The following NOL4 variants were observed in gnomAD, a reference collection of about 807,000 sequenced individuals.
NOL4 encodes nucleolar protein 4, also known as cancer/testis antigen 125.
NOL4 carries 17 observed loss-of-function variants against 75.9 expected under a neutral mutation model. The ratio of observed to expected loss-of-function variants is 0.22; its 90% CI spans 0.15 to 0.34. The LOEUF (loss-of-function observed/expected upper bound fraction) is 0.34. Among genes scored for constraint, NOL4 ranks in the 10% least tolerant of loss-of-function variants. NOL4 has a pLI of 1.00. For missense variants in NOL4, 614 were observed against 793.5 expected (o/e 0.77, Z 2.72); for synonymous variants, 292 against 289.9 (o/e 1.01, Z -0.07).
At chr18:34,094,006 C>A (rs1015814802) in intron 4 of NOL4, among the ~76,000 whole-genome samples, 1 of 152,100 alleles carries the variant, frequency 6.6e-6, no homozygotes, top group Non-Finnish European at 1.5e-5. Context: ...CAAGCCACTG[C>A]ACTCCAGCCT....
intron 6 of NOL4, among the ~76,000 whole-genome samples, chr18:33,999,641 C>T (rs924774331): frequency 9.9e-5 from 15 of 151,894 alleles, no homozygotes; most frequent in African/African-American, 3.6e-4. Context: ...TTCCCCTATG[C>T]CATGCTCATG....
intron 1 of NOL4, among the ~76,000 whole-genome samples, chr18:34,213,101 G>A (rs1307249310): frequency 6.6e-6 from 1 of 152,032 alleles, no homozygotes; most frequent in Non-Finnish European, 1.5e-5. Flanking sequence ...CTAGGATTCT[G>A]ACCACCACAA....
chr18:33,976,744 G>A (rs2145930587), intron 6 of NOL4, among the ~76,000 whole-genome samples: 1 of 152,268 alleles, frequency 6.6e-6, no homozygotes, highest in African/African-American at 2.4e-5. Context: ...TTAAGTTTGA[G>A]TTAGAGGTGA....
intron 10 of NOL4, among the ~76,000 whole-genome samples, chr18:33,863,461 C>A (rs1432733293): frequency 6.6e-6 from 1 of 152,112 alleles, no homozygotes; most frequent in Non-Finnish European, 1.5e-5. Context: ...AGTGGGGATA[C>A]AGGCATTGCA....
At chr18:34,159,092 G>A (rs1465354673) in intron 1 of NOL4, among the ~76,000 whole-genome samples, 1 of 152,194 alleles carries the variant, frequency 6.6e-6, no homozygotes, top group Non-Finnish European at 1.5e-5. Context: ...AGCGGCGGCG[G>A]CTGGAGCAGC....
At chr18:33,868,197 T>A (rs991331743) in intron 10 of NOL4, among the ~76,000 whole-genome samples, 2 of 149,776 alleles carry the variant, frequency 1.3e-5, no homozygotes, top group East Asian at 3.9e-4. Flanking sequence ...CTACTACACC[T>A]GGGCACCTGG....
chr18:33,957,598 T>C (rs756421028), intron 7 of NOL4, 81 bp from the exon 8 acceptor site: 41 of 1,109,308 alleles, frequency 3.7e-5, no homozygotes, highest in Non-Finnish European at 4.7e-5. Context: ...TGATTACCGA[T>C]AGGAAAATAC....
intron 5 of NOL4, among the ~76,000 whole-genome samples, chr18:34,090,802 G>A (rs2078478732): frequency 6.6e-6 from 1 of 152,124 alleles, no homozygotes; most frequent in Non-Finnish European, 1.5e-5. Flanking sequence ...AAGCCTACTT[G>A]AGATGAGCCA....
chr18:33,917,908 A>G (rs2066819903), intron 9 of NOL4, among the ~76,000 whole-genome samples: 1 of 152,128 alleles, frequency 6.6e-6, no homozygotes, highest in South Asian at 2.1e-4. Flanking sequence ...CTCCTGCCTC[A>G]ACTGCTTTAA....
At chr18:34,199,145 G>GTTTTTT (rs11323634) in intron 1 of NOL4, among the ~76,000 whole-genome samples, 1 of 131,280 alleles carries the variant, frequency 7.6e-6, no homozygotes, top group Non-Finnish European at 1.6e-5. Flanking sequence ...GGACAGAGAA[G>GTTTTTT]TTTTTTTTTT....
chr18:34,138,859 C>T (rs1243774405), intron 1 of NOL4, among the ~76,000 whole-genome samples: 1 of 152,094 alleles, frequency 6.6e-6, no homozygotes, highest in African/African-American at 2.4e-5. Context: ...CCATCAATAC[C>T]TAATTTATTG....
chr18:33,893,486 T>C (rs556751153), intron 9 of NOL4, among the ~76,000 whole-genome samples: 1 of 152,194 alleles, frequency 6.6e-6, no homozygotes, highest in Non-Finnish European at 1.5e-5. Context: ...ATAGACATGT[T>C]ATTTATAAAA....
chr18:34,219,293 T>C (rs897342258), intron 1 of NOL4, among the ~76,000 whole-genome samples: 10 of 152,254 alleles, frequency 6.6e-5, no homozygotes, highest in Non-Finnish European at 1.5e-5. Flanking sequence ...CTTTTGATTA[T>C]ACAGTTTCAA....
At chr18:34,171,998 G>C (rs978620670) in intron 1 of NOL4, among the ~76,000 whole-genome samples, 3 of 151,966 alleles carry the variant, frequency 2.0e-5, no homozygotes, top group African/African-American at 7.2e-5. Context: ...CTGTACAAAA[G>C]AATGAGAGCT....
chr18:34,136,536 A>G (rs1051164474), intron 1 of NOL4, among the ~76,000 whole-genome samples: 2 of 152,162 alleles, frequency 1.3e-5, no homozygotes, highest in Non-Finnish European at 2.9e-5. Context: ...TTTTATTAGC[A>G]ATGAACAATC....
intron 5 of NOL4, among the ~76,000 whole-genome samples, chr18:34,076,269 T>C (rs2077740300): frequency 6.6e-6 from 1 of 152,142 alleles, no homozygotes; most frequent in South Asian, 2.1e-4. Context: ...GGGCCTCTAC[T>C]TTCTCCATGG....
At chr18:34,107,555 A>G (rs906537226) in intron 2 of NOL4, among the ~76,000 whole-genome samples, 2 of 151,602 alleles carry the variant, frequency 1.3e-5, no homozygotes, top group Non-Finnish European at 2.9e-5. Flanking sequence ...TCCCCACCTC[A>G]TATTCACTGG....
In NOL4 at chr18:34,153,967, A is replaced by G. The variant is rs75414387; in HGVS notation, c.265-23947T>C. 9.2e-4 allele frequency among the ~76,000 whole-genome samples: 140 copies of G among 152,162 alleles called. 1 individual carries two copies. In the East Asian group the frequency reaches 0.026, roughly 28 times the overall value. On this transcript the variant is annotated intron_variant, in intron 1 of 10. Coordinates refer to ENST00000261592, the MANE Select transcript of NOL4 (RefSeq NM_003787.5). Reference sequence around the variant, plus strand: ...ATAACTGGCCCAAACTTAATCACACAGCCATATGTAGAGCTGAGGCAGGCT... The same window carrying G: ...ATAACTGGCCCAAACTTAATCACACGGCCATATGTAGAGCTGAGGCAGGCT...
chr18:33,893,235 G>T (rs1203697406), intron 9 of NOL4, among the ~76,000 whole-genome samples: 1 of 152,126 alleles, frequency 6.6e-6, no homozygotes, highest in Non-Finnish European at 1.5e-5. Flanking sequence ...TTTATAAGAG[G>T]ATGGGTGATA....
Sources: gnomAD v4.1 joint callset for allele counts (sites outside exome capture counted in the v4.1 genomes callset) on GRCh38, gnomAD v4.1.1 for gene constraint, MANE v1.5 for transcripts, NCBI Gene and HGNC (gene_info 2026-07-23, HGNC 2026-07-21) for gene names.